The following WDR5 variants were observed in gnomAD, a reference collection of about 807,000 sequenced individuals.
The protein encoded by WDR5 is WD repeat domain 5, also known as WD repeat-containing protein 5.
For missense variants in WDR5, 187 were observed against 416.9 expected (o/e 0.45, Z 4.80); for synonymous variants, 144 against 161.6 (o/e 0.89, Z 0.83).
At chr9:134,154,430 C>T (rs753565861) in intron 9 of WDR5, 36 bp from the exon 10 acceptor site, 36 of 1,609,668 alleles carry the variant, frequency 2.2e-5, no homozygotes, top group East Asian at 2.0e-4. Context: ...TGGCTGTCAG[C>T]GCCCGCCGTG....
At position 134,158,062 on chromosome 9, in the gene WDR5, T is replaced by C; in HGVS notation, c.*69T>C. 3 of 1,442,698 alleles carry C rather than the reference T, an allele frequency of 2.1e-6. No homozygotes were observed. Among genetic ancestry groups the C allele is most frequent in the Non-Finnish European group, 2.9e-6 (3 of 1,027,810 alleles). The allele number at this position is 1,442,698 out of a possible 1,614,324, so 89.4% of individuals were successfully genotyped here. A position where few individuals can be genotyped will look rare whatever the true frequency, so the allele number is the denominator to read the frequency against. On this transcript the variant is annotated 3_prime_UTR_variant, in exon 14 of 14. Transcript: ENST00000358625. ...CGGATTGGCAAGAAACAGGGTGTCT[T>C]GGAGGTGGTCCCCCAGATCTGCGCC... is the stretch of plus-strand genomic sequence containing the variant.
intron 7 of WDR5, among the ~76,000 whole-genome samples, chr9:134,143,240 GCAAAC>G (rs1434294532): frequency 6.6e-6 from 1 of 152,220 alleles, no homozygotes; most frequent in Non-Finnish European, 1.5e-5. Context: ...TTGCCACTGT[GCAAAC>G]CAAACGGCCG....
Position 134,142,816 on chromosome 9 carries a change from A to G in WDR5, c.528+97A>G, listed in dbSNP as rs942527219. 29 of 1,273,480 alleles carry G rather than the reference A, an allele frequency of 2.3e-5. No homozygotes were observed. In the African/African-American group the frequency reaches 3.7e-4, roughly 16 times the overall value. 78.9% of individuals were successfully genotyped at this position (1,273,480 alleles called of 1,614,324 possible). A position where few individuals can be genotyped will look rare whatever the true frequency, so the allele number is the denominator to read the frequency against. On this transcript the variant is annotated intron_variant, in intron 7 of 13. Transcript: ENST00000358625. The stretch of plus-strand genomic sequence containing the variant: ...CTCCCTGAGGGGCGTAAGCCTGGCC[A>G]TGGCCTGTGCCTAGCTGATTCCTGC...
chr9:134,148,214 G>GTT, intron 7 of WDR5, 74 bp from the exon 8 acceptor site: 1 of 284,186 alleles, frequency 3.5e-6, no homozygotes, highest in Non-Finnish European at 6.5e-6. Flanking sequence ...TTTTTTTTGA[G>GTT]ATCAGGTAAG....
intron 8 of WDR5, 130 bp downstream of exon 8, chr9:134,148,473 T>G: frequency 1.4e-6 from 1 of 740,376 alleles, no homozygotes. Context: ...GCTTCTCTTC[T>G]GGCCACGCTG....
In WDR5 at chr9:134,139,942, C is replaced by T. The variant is rs201158479; in HGVS notation, c.65C>T (p.Ser22Phe). Reference sequence around the variant, plus strand: ...AGAGCACAGCCAACCCCTTCGTCATCCGCCACTCAGAGCAAGGTGCGTGCC... The same window carrying T: ...AGAGCACAGCCAACCCCTTCGTCATTCGCCACTCAGAGCAAGGTGCGTGCC... ...AARAQPTPSS[S>F]ATQSKPTPVK... Residue 22 changes from serine (S) to phenylalanine (F), a missense_variant, in exon 2 of 14, where the codon TCC (serine) becomes TTC (phenylalanine). Physicochemically the swap from Ser to Phe is radical, Grantham distance 155. Coordinates refer to ENST00000358625, the MANE Select transcript of WDR5 (RefSeq NM_017588.3). 6.2e-7 allele frequency: 1 copy of T among 1,613,558 alleles called. No homozygotes were observed. Among genetic ancestry groups the T allele is most frequent in the Admixed American group, 1.7e-5 (1 of 59,990 alleles).
chr9:134,139,705 G>C, intron 1 of WDR5, 115 bp from the exon 2 acceptor site: 1 of 666,830 alleles, frequency 1.5e-6, no homozygotes, highest in Non-Finnish European at 2.5e-6. Context: ...TGGTTTGTTT[G>C]CTACAGGGCT....
chr9:134,155,656 C>G (rs770935556), intron 11 of WDR5, 37 bp from the exon 12 acceptor site: 1 of 1,601,710 alleles, frequency 6.2e-7, no homozygotes, highest in Non-Finnish European at 8.5e-7. Context: ...CAAGGGGAAC[C>G]ATGACTCTGT....
At chr9:134,137,685 A>G (rs1381719331) in intron 1 of WDR5, among the ~76,000 whole-genome samples, 1 of 108,416 alleles carries the variant, frequency 9.2e-6, no homozygotes, top group Non-Finnish European at 2.1e-5. Flanking sequence ...AAACAAAAAC[A>G]AAAAAAAAAC....
At chr9:134,142,275 T>G in intron 5 of WDR5, 58 bp from the exon 6 acceptor site, 1 of 1,551,478 alleles carries the variant, frequency 6.4e-7, no homozygotes, top group Non-Finnish European at 8.9e-7. Context: ...GAATGTGACC[T>G]GACTCTTACG....
chr9:134,159,836 A>G lies in WDR5; in HGVS notation c.*1843A>G, dbSNP rs1292995772. On this transcript the variant is annotated 3_prime_UTR_variant, in exon 14 of 14. Transcript: ENST00000358625. This position sits in a 1 kb window ranked among gnomAD's most constrained non-coding sequence, Gnocchi z 4.3. Reference sequence around the variant, plus strand: ...CAGTCTTGTTCTGGGGGGACGGCCCACTCCGGGGAGGGGGTGTGCTGTGCT... The same window carrying G: ...CAGTCTTGTTCTGGGGGGACGGCCCGCTCCGGGGAGGGGGTGTGCTGTGCT... The G allele has an allele frequency of 1.3e-5, 2 of 151,878 alleles. No homozygotes were observed. Among genetic ancestry groups the G allele is most frequent in the Non-Finnish European group, 2.9e-5 (2 of 67,984 alleles). The allele number at this position is 151,878 out of a possible 1,614,324, so 9.4% of individuals were successfully genotyped here. A position where few individuals can be genotyped will look rare whatever the true frequency, so the allele number is the denominator to read the frequency against.
intron 2 of WDR5, 137 bp downstream of exon 2, chr9:134,140,095 A>G: frequency 9.9e-7 from 1 of 1,010,984 alleles, no homozygotes; most frequent in Non-Finnish European, 1.5e-6. Flanking sequence ...CTGACCGCAT[A>G]TCTGGCGAAT....
At chr9:134,145,267 T>G (rs994817884) in intron 7 of WDR5, among the ~76,000 whole-genome samples, 5 of 151,836 alleles carry the variant, frequency 3.3e-5, no homozygotes, top group Non-Finnish European at 7.4e-5. Context: ...ACTGGCTAAT[T>G]TTTGTATTTT....
At chr9:134,142,868 G>A (rs934155812) in intron 7 of WDR5, 149 bp downstream of exon 7, 16 of 791,084 alleles carry the variant, frequency 2.0e-5, no homozygotes, top group Non-Finnish European at 2.7e-5. Context: ...AGAGCAATCA[G>A]GTTGGAGGCT....
Position 134,139,845 on chromosome 9 carries a change from A to C in WDR5, c.-33A>C, listed in dbSNP as rs1445775863. On this transcript the variant is annotated 5_prime_UTR_variant, in exon 2 of 14. Coordinates refer to ENST00000358625, the MANE Select transcript of WDR5 (RefSeq NM_017588.3). ...ACTGCCTCTGTCACCGGGTCCCTCC[A>C]CCCTTGTCTCCTGTGCGGCCAGCGT... is the stretch of plus-strand genomic sequence containing the variant. The C allele has an allele frequency of 3.1e-6, 5 of 1,612,450 alleles. No homozygotes were observed. In the African/African-American group the frequency reaches 6.7e-5, roughly 22 times the overall value.
rs776203956 is a variant in WDR5 at position 134,142,638 on chromosome 9, T to C, written c.447T>C (p.Phe149=). 1 of 1,614,218 alleles carries C rather than the reference T, an allele frequency of 6.2e-7. No homozygotes were observed. The highest frequency in any genetic ancestry group is 2.2e-5 in the East Asian group (1 of 44,880). ...ACTGTCATCTCTTTTGTGTTCAGTT[T>C]GACGAAAGCGTGAGGATATGGGATG... ...PQSNLIVSGS[F]DESVRIWDVK... is the part of the protein sequence containing the mutation. Residue 149 remains phenylalanine, a splice_region_variant and synonymous_variant, in exon 7 of 14, where the codon TTT becomes TTC. Transcript: ENST00000358625.
At chr9:134,143,531 C>CTTTTTTT (rs558531986) in intron 7 of WDR5, among the ~76,000 whole-genome samples, 1 of 137,866 alleles carries the variant, frequency 7.3e-6, no homozygotes, top group African/African-American at 2.6e-5. Context: ...GAAACTCTGT[C>CTTTTTTT]TTTTTTTTTT....
chr9:134,148,746 G>A (rs565724136), intron 8 of WDR5, among the ~76,000 whole-genome samples: 1 of 152,230 alleles, frequency 6.6e-6, no homozygotes, highest in African/African-American at 2.4e-5. Context: ...TCACCATCCC[G>A]GGCAGGTGAA....
intron 12 of WDR5, 47 bp downstream of exon 12, chr9:134,155,814 TC>T: frequency 6.4e-7 from 1 of 1,565,606 alleles, no homozygotes; most frequent in East Asian, 2.2e-5. Context: ...CAGCTTACTC[TC>T]CCGAGAGGTC....
Sources: gnomAD v4.1 joint callset for allele counts (sites outside exome capture counted in the v4.1 genomes callset) on GRCh38, gnomAD v4.1.1 for gene constraint, Gnocchi (gnomAD v3.1) non-coding constraint, MANE v1.5 for transcripts, NCBI Gene and HGNC (gene_info 2026-07-23, HGNC 2026-07-21) for gene names.